The following NRG3 variants were observed in gnomAD, a reference collection of about 807,000 sequenced individuals.
The protein encoded by NRG3 is neuregulin 3, also known as pro-neuregulin-3, membrane-bound isoform.
NRG3 carries 31 observed loss-of-function variants against 66.9 expected under a neutral mutation model. The ratio of observed to expected loss-of-function variants is 0.46; its 90% confidence interval spans 0.35 to 0.63. The LOEUF is 0.63. NRG3 is among the 20% of genes least tolerant of loss of function. NRG3 has a pLI of 0.00. For synonymous variants in NRG3, 393 were observed against 359.4 expected, an observed-to-expected ratio of 1.09 and a Z score of -1.06; for missense variants, 910 against 878.9, an observed-to-expected ratio of 1.04 and a Z score of -0.45.
intron 1 of NRG3, among the ~76,000 whole-genome samples, chr10:81,995,740 C>G (rs2133615314): frequency 6.6e-6 from 1 of 152,260 alleles, no homozygotes; most frequent in Non-Finnish European, 1.5e-5. Flanking sequence ...GATAGACCAC[C>G]CACTTCTGCA....
intron 2 of NRG3, among the ~76,000 whole-genome samples, chr10:82,616,945 A>G (rs988941218): frequency 1.3e-5 from 2 of 152,334 alleles, no homozygotes; most frequent in Middle Eastern, 3.4e-3. Flanking sequence ...ATATGGAAAA[A>G]AGGAAACCCT....
At chr10:82,066,367 GT>G (rs1210191892) in intron 1 of NRG3, among the ~76,000 whole-genome samples, 1 of 151,644 alleles carries the variant, frequency 6.6e-6, no homozygotes, top group Non-Finnish European at 1.5e-5. Context: ...CATATATTTT[GT>G]GTAAATGTAC....
chr10:82,700,174 T>C (rs1219905750), intron 2 of NRG3, among the ~76,000 whole-genome samples: 1 of 152,168 alleles, frequency 6.6e-6, no homozygotes, highest in Admixed American at 6.6e-5. Context: ...TTAAGTTAGA[T>C]CGCACACTAA....
chr10:82,543,510 A>C (rs2043689362), intron 2 of NRG3, among the ~76,000 whole-genome samples: 1 of 152,208 alleles, frequency 6.6e-6, no homozygotes, highest in Non-Finnish European at 1.5e-5. Context: ...CTATTAAAGA[A>C]AACTAAAATC....
chr10:82,279,849 G>A (rs61863048), intron 1 of NRG3, among the ~76,000 whole-genome samples: 16,242 of 152,166 alleles, frequency 0.11, 1,031 homozygotes, highest in Non-Finnish European at 0.15. Flanking sequence ...CAGTAAAATC[G>A]CTTCTATCCT....
At chr10:82,067,545 G>A (rs1211269334) in intron 1 of NRG3, among the ~76,000 whole-genome samples, 50 of 152,084 alleles carry the variant, frequency 3.3e-4, no homozygotes, top group Non-Finnish European at 2.5e-4. Flanking sequence ...ACGGGTTTTC[G>A]CCATGTTGGC....
At chr10:82,023,336 G>A (rs1185452350) in intron 1 of NRG3, among the ~76,000 whole-genome samples, 3 of 151,764 alleles carry the variant, frequency 2.0e-5, no homozygotes, top group African/African-American at 7.3e-5. Context: ...TCACAATTTG[G>A]GTGTCCTTTA....
chr10:82,667,528 C>T (rs568049877), intron 2 of NRG3, among the ~76,000 whole-genome samples: 2 of 152,214 alleles, frequency 1.3e-5, no homozygotes, highest in East Asian at 3.9e-4. Flanking sequence ...GAGATACTGC[C>T]TGGAAGGAAA....
At chr10:82,017,268 C>T (rs2061829127) in intron 1 of NRG3, among the ~76,000 whole-genome samples, 1 of 152,178 alleles carries the variant, frequency 6.6e-6, no homozygotes, top group African/African-American at 2.4e-5. Context: ...ATGAACTCAT[C>T]CTTTTTAATG....
intron 1 of NRG3, among the ~76,000 whole-genome samples, chr10:82,357,989 T>A (rs2083889000): frequency 6.6e-6 from 1 of 152,224 alleles, no homozygotes; most frequent in South Asian, 2.1e-4. Context: ...AATGTCTACA[T>A]GTGGTAATAG....
At chr10:82,184,019 A>T (rs1794229309) in intron 1 of NRG3, among the ~76,000 whole-genome samples, 1 of 152,064 alleles carries the variant, frequency 6.6e-6, no homozygotes, top group South Asian at 2.1e-4. Context: ...GAATTACATG[A>T]GCAATTAGGT....
At chr10:82,894,681 C>G (rs778279446) in intron 4 of NRG3, among the ~76,000 whole-genome samples, 2 of 152,030 alleles carry the variant, frequency 1.3e-5, no homozygotes, top group African/African-American at 4.8e-5. Context: ...TCCCGAGAAC[C>G]CTTACCCTGA....
chr10:82,528,808 A>T (rs1846971781), intron 2 of NRG3, among the ~76,000 whole-genome samples: 1 of 152,258 alleles, frequency 6.6e-6, no homozygotes, highest in Admixed American at 6.5e-5. Flanking sequence ...GCAGAAAAAA[A>T]TCCATAGAAA....
intron 2 of NRG3, among the ~76,000 whole-genome samples, chr10:82,372,692 C>T (rs1359759167): frequency 6.6e-6 from 1 of 152,118 alleles, no homozygotes; most frequent in African/African-American, 2.4e-5. Context: ...CTCCCTGGGT[C>T]AAGCAATTCT....
At chr10:81,998,823 A>G (rs759447661) in intron 1 of NRG3, among the ~76,000 whole-genome samples, 4 of 152,206 alleles carry the variant, frequency 2.6e-5, no homozygotes, top group African/African-American at 4.8e-5. Flanking sequence ...TTTAAAAAAC[A>G]TAGCATGAAA....
intron 2 of NRG3, among the ~76,000 whole-genome samples, chr10:82,419,539 T>G (rs1482692904): frequency 6.6e-6 from 1 of 152,170 alleles, no homozygotes. Context: ...CTTTTTTTTC[T>G]CCCGCCCAAA....
At chr10:82,190,460 T>A (rs1014513813) in intron 1 of NRG3, among the ~76,000 whole-genome samples, 57 of 152,330 alleles carry the variant, frequency 3.7e-4, no homozygotes, top group Non-Finnish European at 7.5e-4. Flanking sequence ...TTGATATCAA[T>A]TCTATTTTCT....
intron 2 of NRG3, among the ~76,000 whole-genome samples, chr10:82,727,615 G>A (rs2057674734): frequency 1.3e-5 from 2 of 152,362 alleles, no homozygotes; most frequent in South Asian, 4.1e-4. Flanking sequence ...GGGGCAGGAT[G>A]CTCATGGAGA....
intron 2 of NRG3, among the ~76,000 whole-genome samples, chr10:82,431,144 A>T (rs2089781048): frequency 6.6e-6 from 1 of 152,152 alleles, no homozygotes; most frequent in Non-Finnish European, 1.5e-5. Flanking sequence ...AATTGTTTTC[A>T]ATAAATGCCC....
Sources: gnomAD v4.1 joint callset for allele counts (sites outside exome capture counted in the v4.1 genomes callset) on GRCh38, gnomAD v4.1.1 for gene constraint, MANE v1.5 for transcripts, NCBI Gene and HGNC (gene_info 2026-07-23, HGNC 2026-07-21) for gene names.